The following ZDHHC7 variants were observed in gnomAD, a reference collection of about 807,000 sequenced individuals.
The protein encoded by ZDHHC7 is zDHHC palmitoyltransferase 7.
In ZDHHC7, 12 loss-of-function variants were observed where a neutral mutation model predicts 34.1. That is an observed-to-expected ratio of 0.35 (90% CI 0.23 to 0.57). The LOEUF is 0.57. Among genes scored for constraint, ZDHHC7 ranks in the 20% least tolerant of loss-of-function variants. ZDHHC7 has a pLI of 0.84. For missense variants in ZDHHC7, 388 were observed against 402.7 expected (o/e 0.96, Z 0.31); for synonymous variants, 185 against 155.4 (o/e 1.19, Z -1.42).
chr16:84,995,282 A>G (rs2072561886), intron 2 of ZDHHC7, among the ~76,000 whole-genome samples: 1 of 152,236 alleles, frequency 6.6e-6, no homozygotes. Flanking sequence ...GAACACCAAA[A>G]GCAACACTAC....
At chr16:85,025,422 G>T in the ZDHHC7 span, among the ~76,000 whole-genome samples, 10 of 150,560 alleles carry the variant, frequency 6.6e-5, no homozygotes, top group Admixed American at 3.3e-4. Context: ...TCCTTTTTTG[G>T]GGGGGGGGAC....
chr16:84,993,398 A>C (rs555644436), intron 2 of ZDHHC7, among the ~76,000 whole-genome samples: 7 of 152,252 alleles, frequency 4.6e-5, no homozygotes, highest in Admixed American at 1.3e-4. Flanking sequence ...TTAGGAGGCC[A>C]AGGTGGGAGG....
intron 3 of ZDHHC7, among the ~76,000 whole-genome samples, chr16:84,987,313 T>C (rs188066307): frequency 3.9e-5 from 6 of 152,314 alleles, no homozygotes; most frequent in Admixed American, 2.0e-4. Flanking sequence ...CTCAACATCG[T>C]TGGTCATTAG....
At chr16:84,997,420 C>G (rs932141018) in intron 1 of ZDHHC7, among the ~76,000 whole-genome samples, 3 of 151,142 alleles carry the variant, frequency 2.0e-5, no homozygotes, top group South Asian at 2.1e-4. Context: ...AGGCGCCCAC[C>G]ACCACACCCA....
chr16:84,979,151 A>C, intron 5 of ZDHHC7, 38 bp downstream of exon 5: 1 of 1,566,570 alleles, frequency 6.4e-7, no homozygotes, highest in Non-Finnish European at 8.6e-7. Context: ...AGAATTTCAA[A>C]TTCAATGTAA....
chr16:85,009,383 T>G (rs2072759065), intron 1 of ZDHHC7, among the ~76,000 whole-genome samples: 2 of 152,058 alleles, frequency 1.3e-5, no homozygotes, highest in Non-Finnish European at 2.9e-5. Flanking sequence ...CTATTCATGC[T>G]AATACTCTTC....
At chr16:85,009,246 C>A (rs1439425090) in intron 1 of ZDHHC7, among the ~76,000 whole-genome samples, 2 of 151,984 alleles carry the variant, frequency 1.3e-5, no homozygotes, top group East Asian at 3.9e-4. Flanking sequence ...TTTATATCAA[C>A]AAAGCATCCA....
chr16:85,017,130 G>A, the ZDHHC7 span, among the ~76,000 whole-genome samples: 5 of 152,000 alleles, frequency 3.3e-5, no homozygotes, highest in Admixed American at 1.3e-4. Flanking sequence ...TTAATCATGA[G>A]CATGTATTCA....
upstream of ZDHHC7, among the ~76,000 whole-genome samples, chr16:85,012,130 C>T (rs557979854): frequency 2.4e-4 from 37 of 152,284 alleles, no homozygotes; most frequent in Non-Finnish European, 4.0e-4. Flanking sequence ...GCCTGTAACT[C>T]CAGCACTTTG....
intron 1 of ZDHHC7, among the ~76,000 whole-genome samples, chr16:85,005,381 G>A (rs1485369354): frequency 6.6e-6 from 1 of 152,184 alleles, no homozygotes; most frequent in African/African-American, 2.4e-5. Flanking sequence ...ACATTTGAAG[G>A]TGAGAAGAAA....
chr16:85,001,276 G>C (rs1436329769), intron 1 of ZDHHC7, among the ~76,000 whole-genome samples: 1 of 152,006 alleles, frequency 6.6e-6, no homozygotes, highest in Non-Finnish European at 1.5e-5. Context: ...TTCAAGACCA[G>C]CCTAGCCAAC....
intron 2 of ZDHHC7, 58 bp from the exon 3 acceptor site, chr16:84,990,693 A>T (rs2072498633): frequency 7.0e-7 from 1 of 1,427,726 alleles, no homozygotes; most frequent in Non-Finnish European, 9.6e-7. Context: ...AGCTACCTTA[A>T]ATATGATGTG....
intron 1 of ZDHHC7, among the ~76,000 whole-genome samples, chr16:85,011,013 G>A (rs2072783763): frequency 6.6e-6 from 1 of 152,272 alleles, no homozygotes; most frequent in African/African-American, 2.4e-5. Context: ...AGGGCTCGGA[G>A]AGCTGAGTGT....
intron 2 of ZDHHC7, among the ~76,000 whole-genome samples, chr16:84,991,583 C>T (rs2072510503): frequency 6.6e-6 from 1 of 151,116 alleles, no homozygotes; most frequent in Non-Finnish European, 1.5e-5. Flanking sequence ...CCACTGCACC[C>T]GGCCTCTATT....
chr16:85,010,034 T>G (rs369315456), intron 1 of ZDHHC7, among the ~76,000 whole-genome samples: 111 of 141,516 alleles, frequency 7.8e-4, no homozygotes, highest in African/African-American at 3.1e-3. Flanking sequence ...CAAGCGAATT[T>G]AACAAAGTGA....
chr16:85,025,431 A>C, the ZDHHC7 span, among the ~76,000 whole-genome samples: 1 of 148,634 alleles, frequency 6.7e-6, no homozygotes, highest in East Asian at 2.0e-4. Context: ...GGGGGGGGGG[A>C]CTAAGTCTCA....
At chr16:84,979,952 T>G (rs1269172073) in intron 4 of ZDHHC7, among the ~76,000 whole-genome samples, 1 of 31,246 alleles carries the variant, frequency 3.2e-5, no homozygotes, top group Non-Finnish European at 5.7e-5. Flanking sequence ...GCGTCACCTT[T>G]TTTTTTTTTT....
upstream of ZDHHC7, among the ~76,000 whole-genome samples, chr16:85,015,531 C>T (rs2072830638): frequency 6.6e-6 from 1 of 152,150 alleles, no homozygotes; most frequent in African/African-American, 2.4e-5. Context: ...GACAGCTTTG[C>T]AGGGCCATTT....
In ZDHHC7 at chr16:84,976,219, G is replaced by T; in HGVS notation, c.*124C>A. 1 of 1,236,886 alleles carries T rather than the reference G, an allele frequency of 8.1e-7. No homozygotes were observed. Among genetic ancestry groups the T allele is most frequent in the Non-Finnish European group, 1.1e-6 (1 of 878,678 alleles). The allele number at this position is 1,236,886 out of a possible 1,614,324, so 76.6% of individuals were successfully genotyped here. On this transcript the variant is annotated 3_prime_UTR_variant, in exon 8 of 8. Coordinates refer to ENST00000313732, the MANE Select transcript of ZDHHC7 (RefSeq NM_017740.3). The stretch of plus-strand genomic sequence containing the variant: ...ATAAATATATAAAACTCTGCTTGCT[G>T]CAAGCAATTGGTTTGTGTAGGTTCC...
Sources: allele counts gnomAD v4.1 joint callset (sites outside exome capture counted in the v4.1 genomes callset), GRCh38; gene constraint gnomAD v4.1.1; transcripts MANE v1.5; gene names NCBI Gene and HGNC (gene_info 2026-07-23, HGNC 2026-07-21).